GRM7: variants seen among roughly 807,000 people sequenced by gnomAD.
GRM7 encodes metabotropic glutamate receptor 7.
GRM7 carries 35 observed loss-of-function variants against 84.5 expected under a neutral mutation model. The observed-to-expected ratio is 0.41, with a 90% CI of 0.32 to 0.55. The LOEUF is 0.55. Ranked by LOEUF, GRM7 falls within the 20% of genes least tolerant of loss-of-function variation. GRM7 has a pLI of 0.19. For missense variants in GRM7, 1,003 were observed against 1,194.6 expected (o/e 0.84, Z 2.36); for synonymous variants, 487 against 455.1 (o/e 1.07, Z -0.89).
chr3:7,156,396 T>A (rs989156757), intron 2 of GRM7, among the ~76,000 whole-genome samples: 13 of 152,214 alleles, frequency 8.5e-5, no homozygotes, highest in Non-Finnish European at 1.9e-4. Flanking sequence ...GAGCTTATTT[T>A]CTCCGAACAA....
chr3:7,632,538 G>A (rs1697904059), intron 8 of GRM7, among the ~76,000 whole-genome samples: 1 of 152,208 alleles, frequency 6.6e-6, no homozygotes. Context: ...AGAGCCATCT[G>A]AATATTGCCT....
chr3:7,148,499 T>C lies in GRM7; in HGVS notation c.736+1831T>C, dbSNP rs1187731134. On this transcript the variant is annotated intron_variant, in intron 2 of 9. Coordinates refer to ENST00000357716, the MANE Select transcript of GRM7 (RefSeq NM_000844.4). ...TACAGTGTTCATGAGGTCAAAATCA[T>C]GTTGATTATTCTGTAAAGTGCAGCT... Among the ~76,000 whole-genome samples the C allele has an allele frequency of 6.6e-5, 10 of 152,284 alleles. No homozygotes were observed. The South Asian group carries it at 1.0e-3, about 16-fold the overall frequency.
At chr3:7,082,943 G>A (rs567972369) in intron 1 of GRM7, among the ~76,000 whole-genome samples, 1 of 152,162 alleles carries the variant, frequency 6.6e-6, no homozygotes, top group Non-Finnish European at 1.5e-5. Flanking sequence ...TTATGGATGA[G>A]CAAAGAAAGT....
chr3:7,287,816 C>T (rs558241820), intron 2 of GRM7, among the ~76,000 whole-genome samples: 17 of 152,046 alleles, frequency 1.1e-4, no homozygotes, highest in South Asian at 4.2e-4. Context: ...TAGTTTGCTG[C>T]GGGACTAATG....
intron 7 of GRM7, among the ~76,000 whole-genome samples, chr3:7,467,925 C>G (rs1698529122): frequency 6.6e-6 from 1 of 152,094 alleles, no homozygotes; most frequent in Non-Finnish European, 1.5e-5. Context: ...TGAGGTGATT[C>G]AAATTAATTT....
chr3:6,979,984 T>C (rs1694136061), intron 1 of GRM7, among the ~76,000 whole-genome samples: 1 of 152,206 alleles, frequency 6.6e-6, no homozygotes, highest in Non-Finnish European at 1.5e-5. Flanking sequence ...ATATAATTGC[T>C]AATTCTTGTT....
rs142451035 is a variant in GRM7 at position 7,293,147 on chromosome 3, G to C, written c.737-5537G>C. ...ATCAATAGAGCTGCATTGTGTATCA[G>C]CTCTCTCGGGATTGAGTTTCAGGCT... is the stretch of plus-strand genomic sequence containing the variant. On this transcript the variant is annotated intron_variant, in intron 2 of 9. Coordinates refer to ENST00000357716, the MANE Select transcript of GRM7 (RefSeq NM_000844.4). 3.3e-4 allele frequency among the ~76,000 whole-genome samples: 50 copies of C among 152,072 alleles called. 1 individual carries two copies. In the East Asian group the frequency reaches 8.7e-3, roughly 26 times the overall value.
At chr3:7,181,933 A>C (rs527746794) in intron 2 of GRM7, among the ~76,000 whole-genome samples, 1 of 152,254 alleles carries the variant, frequency 6.6e-6, no homozygotes, top group East Asian at 1.9e-4. Flanking sequence ...AGTCACATAG[A>C]ACTTAAAAAA....
intron 2 of GRM7, among the ~76,000 whole-genome samples, chr3:7,204,586 G>T (rs968181555): frequency 6.6e-6 from 1 of 152,206 alleles, no homozygotes; most frequent in Non-Finnish European, 1.5e-5. Flanking sequence ...GGGGAAGGAT[G>T]CATACATACA....
At chr3:7,660,120 T>C (rs1405126761) in intron 8 of GRM7, among the ~76,000 whole-genome samples, 2 of 152,226 alleles carry the variant, frequency 1.3e-5, no homozygotes, top group African/African-American at 2.4e-5. Context: ...TTTCAAAATA[T>C]ATTTTGTCTG....
chr3:7,571,838 C>T (rs1028406032), intron 7 of GRM7, among the ~76,000 whole-genome samples: 2 of 152,140 alleles, frequency 1.3e-5, no homozygotes, highest in Admixed American at 6.6e-5. Context: ...TTATTGGACT[C>T]ACAGTTCCAC....
At chr3:7,607,702 A>C (rs1043190671) in intron 8 of GRM7, 2 of 144,254 alleles carry the variant, frequency 1.4e-5, no homozygotes, top group East Asian at 2.0e-4. Context: ...ATTTCAGCAG[A>C]CTCACAGAGC....
At chr3:7,364,639 A>G (rs996181274) in intron 4 of GRM7, among the ~76,000 whole-genome samples, 1 of 151,354 alleles carries the variant, frequency 6.6e-6, no homozygotes, top group African/African-American at 2.4e-5. Flanking sequence ...CCTCTTTTAT[A>G]CTGATAATTC....
intron 1 of GRM7, among the ~76,000 whole-genome samples, chr3:7,027,821 C>T (rs1696035407): frequency 6.6e-6 from 1 of 151,924 alleles, no homozygotes. Flanking sequence ...CCAAGTTTTC[C>T]ACTCCTTATT....
chr3:7,499,816 C>T (rs1395912340), intron 7 of GRM7, among the ~76,000 whole-genome samples: 2 of 151,618 alleles, frequency 1.3e-5, no homozygotes, highest in African/African-American at 4.9e-5. Context: ...GCTCTGTCGC[C>T]CAGGCTGGAG....
intron 8 of GRM7, among the ~76,000 whole-genome samples, chr3:7,606,330 T>C (rs563385307): frequency 3.6e-4 from 55 of 152,248 alleles, no homozygotes; most frequent in Middle Eastern, 3.4e-3. Flanking sequence ...CAAAGATAGT[T>C]TTAGGTGTAA....
intron 7 of GRM7, among the ~76,000 whole-genome samples, chr3:7,482,906 C>G (rs927977768): frequency 7.2e-5 from 11 of 152,086 alleles, no homozygotes; most frequent in Non-Finnish European, 4.4e-5. Context: ...TAAATAAATT[C>G]CACATTCCTT....
At chr3:7,478,213 C>G (rs371435144) in intron 7 of GRM7, among the ~76,000 whole-genome samples, 3 of 152,108 alleles carry the variant, frequency 2.0e-5, no homozygotes, top group South Asian at 4.2e-4. Flanking sequence ...CAGGCTTAGT[C>G]TTTCTCATGC....
chr3:7,262,627 G>T (rs1698475142), intron 2 of GRM7, among the ~76,000 whole-genome samples: 1 of 152,284 alleles, frequency 6.6e-6, no homozygotes, highest in African/African-American at 2.4e-5. Context: ...GCCTGGTTAA[G>T]AATTTTTGCT....
Sources: allele counts gnomAD v4.1 joint callset (sites outside exome capture counted in the v4.1 genomes callset), GRCh38; gene constraint gnomAD v4.1.1; transcripts MANE v1.5; gene names NCBI Gene and HGNC (gene_info 2026-07-23, HGNC 2026-07-21).